The following PCDH19 variants were observed in gnomAD, a reference collection of about 807,000 sequenced individuals.
PCDH19 encodes the protein protocadherin 19.
Under a neutral mutation model 46.2 loss-of-function variants are expected in PCDH19, and 6 were observed. The ratio of observed to expected loss-of-function variants is 0.13; its 90% CI spans 0.07 to 0.26. PCDH19 has a LOEUF of 0.26. Ranked by LOEUF, PCDH19 falls within the 10% of genes least tolerant of loss-of-function variation. PCDH19 has a pLI of 1.00. For synonymous variants in PCDH19, 481 were observed against 415.7 expected (o/e 1.16, Z -1.91); for missense variants, 740 against 972.3 (o/e 0.76, Z 3.18).
At chrX:100,371,105 T>C (rs189519089) in intron 3 of PCDH19, among the ~76,000 whole-genome samples, 6 of 110,917 alleles carry the variant, frequency 5.4e-5, no homozygotes, top group East Asian at 2.8e-4. Flanking sequence ...AATAAAATTA[T>C]GGCAATCAAA....
intron 3 of PCDH19, among the ~76,000 whole-genome samples, chrX:100,356,392 C>A (rs1313645182): frequency 1.8e-5 from 2 of 111,507 alleles, no homozygotes; most frequent in South Asian, 3.8e-4. Flanking sequence ...AGACACATAA[C>A]CTTTCCTAAA....
intron 3 of PCDH19, among the ~76,000 whole-genome samples, chrX:100,397,995 TAC>T (rs72048003): frequency 0.34 from 36,430 of 106,841 alleles, 5,709 homozygotes; most frequent in East Asian, 0.9. Flanking sequence ...TACGCCCTCA[TAC>T]ACACACACAC....
rs771531823 is a variant in PCDH19, at chrX:100,344,280, C to A, written c.2676-2205G>T. ...CACCAGGATGCCGTTCTTTAAAAAA[C>A]AAACAAACAAGCAAATTATCTTACA... On this transcript the variant is annotated intron_variant, in intron 4 of 5. Coordinates refer to ENST00000373034, the MANE Select transcript of PCDH19 (RefSeq NM_001184880.2). 2.7e-5 allele frequency among the ~76,000 whole-genome samples: 3 copies of A among 112,184 alleles called. No individual in the cohort carries two copies. In the South Asian group the frequency reaches 1.1e-3, roughly 42 times the overall value.
In PCDH19 at chrX:100,410,152, C is replaced by G; in HGVS notation, c.-1555G>C. 1.0e-5 allele frequency: 3 copies of G among 297,381 alleles called. No individual in the cohort carries two copies. Among genetic ancestry groups the G allele is most frequent in the Middle Eastern group, 8.8e-4 (1 of 1,140 alleles). The allele number at this position is 297,381 out of a possible 1,213,427, so 24.5% of individuals were successfully genotyped here. On this transcript the variant is annotated 5_prime_UTR_variant, in exon 1 of 6. Transcript: ENST00000373034. ...TAGGGACGCGGGTGCCAGTGCCTCC[C>G]GGGCAAGCCAGGCATGGTGCACGGG...
intron 5 of PCDH19, among the ~76,000 whole-genome samples, chrX:100,322,865 A>ATATATTTTT: frequency 3.7e-4 from 20 of 54,403 alleles, no homozygotes; most frequent in African/African-American, 1.2e-3. Flanking sequence ...ATATATATAT[A>ATATATTTTT]TTTTTGCAGC....
chrX:100,387,985 A>G (rs1927759604), intron 3 of PCDH19, among the ~76,000 whole-genome samples: 1 of 111,495 alleles, frequency 9.0e-6, no homozygotes, highest in Non-Finnish European at 1.9e-5. Flanking sequence ...TTTGGCCCTT[A>G]ATACCTACTG....
Position 100,408,297 on chromosome X carries a change from T to C in PCDH19, c.301A>G (p.Ile101Val), listed in dbSNP as rs779017688. ...LLCRQSPKCIISLEVMSSSME... is the reference protein window; with the variant it reads ...LLCRQSPKCIVSLEVMSSSME... ...GAGCTGGACATGACCTCGAGCGAGA[T>C]GATGCACTTGGGGCTCTGGCGGCAC... Residue 101 changes from isoleucine to valine, a missense_variant, in exon 1 of 6, where the codon ATC (isoleucine) becomes GTC (valine). Ile to Val is a conservative substitution (Grantham distance 29). Transcript: ENST00000373034. The C allele has an allele frequency of 2.7e-5, 33 of 1,209,790 alleles. No homozygotes were observed. In the South Asian group the frequency reaches 5.5e-4, roughly 20 times the overall value.
At chrX:100,398,682 C>T (rs1264224946) in intron 3 of PCDH19, among the ~76,000 whole-genome samples, 2 of 112,157 alleles carry the variant, frequency 1.8e-5, no homozygotes, top group African/African-American at 6.5e-5. Context: ...TCTCCATGGT[C>T]CCTGCCACAC....
intron 5 of PCDH19, among the ~76,000 whole-genome samples, chrX:100,321,183 G>A (rs912036750): frequency 1.8e-5 from 2 of 111,741 alleles, no homozygotes; most frequent in African/African-American, 6.5e-5. Context: ...TGGGCATTTG[G>A]GTTGGTTCCA....
chrX:100,313,436 G>A (rs1925192480), intron 5 of PCDH19, among the ~76,000 whole-genome samples: 1 of 111,759 alleles, frequency 8.9e-6, no homozygotes, highest in African/African-American at 3.3e-5. Flanking sequence ...GTGCACACAT[G>A]TTTAATATAA....
chrX:100,305,302 G>C (rs1454124036), intron 5 of PCDH19, among the ~76,000 whole-genome samples: 3 of 111,468 alleles, frequency 2.7e-5, no homozygotes, highest in African/African-American at 9.7e-5. Context: ...TATCAGCCAA[G>C]AATTTTGTAT....
rs1928423778 is a variant in PCDH19 at position 100,407,743 on chromosome X, C to T, written c.855G>A (p.Thr285=). Reference sequence around the variant, plus strand: ...GCGGGTCGATCTGAAAGAGCTCGCGCGTGCGGTCGTTGACGTAGCCATAGA... The same window carrying T: ...GCGGGTCGATCTGAAAGAGCTCGCGTGTGCGGTCGTTGACGTAGCCATAGA... ...YSFYGYVNDR[T]RELFQIDPHS... Residue 285 remains threonine (T), a synonymous_variant, in exon 1 of 6, where the codon ACG becomes ACA. Transcript: ENST00000373034. 1.7e-6 allele frequency: 2 copies of T among 1,211,092 alleles called. No homozygotes were observed. The highest frequency in any genetic ancestry group is 2.2e-6 in the Non-Finnish European group (2 of 895,474).
chrX:100,311,905 A>G (rs1243973999), intron 5 of PCDH19, among the ~76,000 whole-genome samples: 3 of 111,367 alleles, frequency 2.7e-5, no homozygotes, highest in East Asian at 5.7e-4. Context: ...GCTTCTGGGT[A>G]CAGCAAACAG....
chrX:100,336,919 A>C (rs1258470463), intron 5 of PCDH19, among the ~76,000 whole-genome samples: 2 of 111,913 alleles, frequency 1.8e-5, no homozygotes, highest in Non-Finnish European at 1.9e-5. Flanking sequence ...TATCAGGATT[A>C]CATATTTAAG....
intron 4 of PCDH19, among the ~76,000 whole-genome samples, chrX:100,343,798 C>T (rs977374416): frequency 9.0e-6 from 1 of 111,602 alleles, no homozygotes; most frequent in Admixed American, 9.5e-5. Flanking sequence ...AACACAAACC[C>T]TAATAGACCT....
In PCDH19 at chrX:100,397,596, A is replaced by G. The variant is rs191347539; in HGVS notation, c.2616+4928T>C. On this transcript the variant is annotated intron_variant, in intron 3 of 5. Coordinates refer to ENST00000373034, the MANE Select transcript of PCDH19 (RefSeq NM_001184880.2). ...GCTCAGAAACATTCAACATCAGAAA[A>G]CTAAAATTTAAAAATACTGCACAAA... 3.1e-3 allele frequency among the ~76,000 whole-genome samples: 347 copies of G among 112,274 alleles called. 2 individuals carry two copies. The highest frequency in any genetic ancestry group is 5.0e-3 in the Non-Finnish European group (267 of 53,240).
chrX:100,386,680 T>C (rs919004115), intron 3 of PCDH19, among the ~76,000 whole-genome samples: 15 of 111,768 alleles, frequency 1.3e-4, no homozygotes, highest in Admixed American at 2.9e-4. Flanking sequence ...ACATTCTCAA[T>C]ACTTCTTTAA....
At chrX:100,403,327 C>T (rs1334354004) in intron 2 of PCDH19, among the ~76,000 whole-genome samples, 197 bp downstream of exon 2, 3 of 108,798 alleles carry the variant, frequency 2.8e-5, no homozygotes, top group African/African-American at 1.0e-4. Context: ...GTGGCACACG[C>T]CCTCAATCAG....
At chrX:100,360,242 C>T (rs1926842893) in intron 3 of PCDH19, among the ~76,000 whole-genome samples, 2 of 112,044 alleles carry the variant, frequency 1.8e-5, no homozygotes, top group African/African-American at 6.5e-5. Flanking sequence ...GGAGCAACAG[C>T]CTTTGGCATA....
Sources: allele counts gnomAD v4.1 joint callset (sites outside exome capture counted in the v4.1 genomes callset), GRCh38; gene constraint gnomAD v4.1.1; transcripts MANE v1.5; gene names NCBI Gene and HGNC (gene_info 2026-07-23, HGNC 2026-07-21).